PPP2R5A: variants seen among roughly 807,000 people sequenced by gnomAD.
PPP2R5A encodes the protein serine/threonine-protein phosphatase 2A 56 kDa regulatory subunit alpha isoform.
Under a neutral mutation model 64.2 loss-of-function variants are expected in PPP2R5A, and 25 were observed. The ratio of observed to expected loss-of-function variants is 0.39; its 90% confidence interval spans 0.28 to 0.54. The LOEUF (loss-of-function observed/expected upper bound fraction) is 0.54. Ranked by LOEUF, PPP2R5A falls within the 20% of genes least tolerant of loss-of-function variation. The pLI, the probability that PPP2R5A is intolerant of heterozygous loss-of-function variation, is 0.67. For missense variants in PPP2R5A, 425 were observed against 576.3 expected (o/e 0.74, Z 2.69); for synonymous variants, 198 against 201.2 (o/e 0.98, Z 0.13).
chr1:212,358,859 G>T, intron 12 of PPP2R5A, 72 bp downstream of exon 12: 1 of 1,216,172 alleles, frequency 8.2e-7, no homozygotes, highest in African/African-American at 1.5e-5. Context: ...GTTCAGGAAG[G>T]TATCTTCTCT....
Position 212,315,653 on chromosome 1 carries a change from T to G in PPP2R5A, c.182-13482T>G, listed in dbSNP as rs186831540. ...TATATACTCAACTATGTAGATTTTA[T>G]TATTTCTCTGATATTTTAATTTTAT... is the stretch of plus-strand genomic sequence containing the variant. On this transcript the variant is annotated intron_variant, in intron 1 of 12. Coordinates refer to ENST00000261461, the MANE Select transcript of PPP2R5A (RefSeq NM_006243.4). Among the ~76,000 whole-genome samples the G allele has an allele frequency of 1.6e-4, 24 of 152,358 alleles. No individual in the cohort carries two copies. In the East Asian group the frequency reaches 4.6e-3, roughly 29 times the overall value.
intron 1 of PPP2R5A, among the ~76,000 whole-genome samples, chr1:212,287,732 T>C (rs942708127): frequency 1.3e-5 from 2 of 152,230 alleles, no homozygotes; most frequent in African/African-American, 4.8e-5. Context: ...ATGTCATAGC[T>C]ATAAAAGAAT....
chr1:212,325,589 T>C (rs1392748849), intron 1 of PPP2R5A, among the ~76,000 whole-genome samples: 3 of 152,122 alleles, frequency 2.0e-5, no homozygotes, highest in Non-Finnish European at 4.4e-5. Context: ...TAAAACTCTT[T>C]TAGAACGCAG....
chr1:212,321,395 G>T (rs868274115), intron 1 of PPP2R5A, among the ~76,000 whole-genome samples: 9,533 of 151,172 alleles, frequency 0.063, 801 homozygotes, highest in African/African-American at 0.22. Flanking sequence ...CCCAGACGGG[G>T]TGGCTGCCAG....
chr1:212,340,576 T>C (rs569842227), intron 3 of PPP2R5A, among the ~76,000 whole-genome samples: 1 of 152,380 alleles, frequency 6.6e-6, no homozygotes, highest in South Asian at 2.1e-4. Flanking sequence ...AGCAAAATTA[T>C]CTTTTATCTC....
chr1:212,348,653 T>G (rs1440688039), intron 7 of PPP2R5A, among the ~76,000 whole-genome samples, 156 bp downstream of exon 7: 2 of 152,200 alleles, frequency 1.3e-5, no homozygotes, highest in East Asian at 3.8e-4. Context: ...TTTAAAGTAT[T>G]TAGTTGTTAA....
chr1:212,301,629 TTA>T (rs1398957606), intron 1 of PPP2R5A, among the ~76,000 whole-genome samples: 1 of 152,242 alleles, frequency 6.6e-6, no homozygotes, highest in African/African-American at 2.4e-5. Context: ...CATTGTTACT[TTA>T]TAATAGCCTG....
intron 1 of PPP2R5A, among the ~76,000 whole-genome samples, chr1:212,287,114 C>G (rs138497782): frequency 6.6e-6 from 1 of 152,186 alleles, no homozygotes; most frequent in Admixed American, 6.5e-5. Context: ...TGCCTAATGC[C>G]TTGCAGGAGA....
chr1:212,291,223 GCATGCACCAC>G (rs1281953319), intron 1 of PPP2R5A, among the ~76,000 whole-genome samples: 5 of 151,834 alleles, frequency 3.3e-5, no homozygotes, highest in African/African-American at 1.2e-4. Context: ...CGATTCTCTT[GCATGCACCAC>G]CATGCCAAGC....
intron 1 of PPP2R5A, among the ~76,000 whole-genome samples, chr1:212,287,753 C>T (rs1324646093): frequency 6.6e-6 from 1 of 152,074 alleles, no homozygotes; most frequent in Non-Finnish European, 1.5e-5. Context: ...ATCGTCTTTG[C>T]TATTCATAGA....
At chr1:212,335,920 G>C (rs1264725519) in intron 3 of PPP2R5A, among the ~76,000 whole-genome samples, 3 of 152,094 alleles carry the variant, frequency 2.0e-5, no homozygotes, top group African/African-American at 7.2e-5. Context: ...ATTTTTAAAA[G>C]TAAAGAAAGT....
chr1:212,288,653 A>G lies in PPP2R5A; in HGVS notation c.181+2362A>G, dbSNP rs115903038. ...AAAACACCAACATTCAATTGCTTCA[A>G]TTGGAACTTTGGCAGTGTACTTGAT... On this transcript the variant is annotated intron_variant, in intron 1 of 12. Coordinates refer to ENST00000261461, the MANE Select transcript of PPP2R5A (RefSeq NM_006243.4). Among the ~76,000 whole-genome samples, 895 of 152,290 alleles carry G rather than the reference A, an allele frequency of 5.9e-3. 6 individuals are homozygous for G. Among genetic ancestry groups the G allele is most frequent in the African/African-American group, 0.019 (805 of 41,562 alleles).
intron 4 of PPP2R5A, among the ~76,000 whole-genome samples, chr1:212,345,457 T>C (rs925326937): frequency 6.6e-6 from 1 of 152,122 alleles, no homozygotes; most frequent in African/African-American, 2.4e-5. Context: ...GTTTTGACGA[T>C]CAAAAAGCAT....
intron 8 of PPP2R5A, among the ~76,000 whole-genome samples, chr1:212,354,504 C>A (rs939762548): frequency 6.6e-6 from 1 of 151,834 alleles, no homozygotes; most frequent in South Asian, 2.1e-4. Context: ...CAGAGCAAGA[C>A]CTCGTTTCTA....
Position 212,357,803 on chromosome 1 carries a change from C to CA in PPP2R5A, c.1226+534dup, listed in dbSNP as rs767448983. 414 of 117,944 alleles carry CA rather than the reference C, an allele frequency of 3.5e-3. 7 individuals carry two copies. The highest frequency in any genetic ancestry group is 0.013 in the Middle Eastern group (3 of 224). 7.3% of individuals were successfully genotyped at this position (117,944 alleles called of 1,614,324 possible). A position where few individuals can be genotyped will look rare whatever the true frequency, so the allele number is the denominator to read the frequency against. On this transcript the variant is annotated intron_variant, in intron 11 of 12. Coordinates refer to ENST00000261461, the MANE Select transcript of PPP2R5A (RefSeq NM_006243.4). ...GGGCGACAGAGCAAGATTCCGTCTC[C>CA]AAAAAAAAAAAAAAAGAGAGTCTTG...
intron 1 of PPP2R5A, 64 bp downstream of exon 1, chr1:212,286,355 A>G: frequency 1.4e-6 from 2 of 1,383,938 alleles, no homozygotes; most frequent in Non-Finnish European, 1.9e-6. Flanking sequence ...CCTCTGCGCC[A>G]GCAGAGCCAT....
chr1:212,328,123 CTGCTTTTAGT>C (rs1165402488), intron 1 of PPP2R5A, among the ~76,000 whole-genome samples: 4 of 152,182 alleles, frequency 2.6e-5, no homozygotes, highest in African/African-American at 7.2e-5. Flanking sequence ...CCGTTGGTTC[CTGCTTTTAGT>C]TGAGGGGTGC....
intron 1 of PPP2R5A, among the ~76,000 whole-genome samples, chr1:212,320,262 G>A (rs1659245682): frequency 6.6e-6 from 1 of 152,250 alleles, no homozygotes; most frequent in Admixed American, 6.5e-5. Context: ...AGGGTTGGGG[G>A]TAAGGTCACA....
At chr1:212,306,807 G>A (rs1658923735) in intron 1 of PPP2R5A, 1 of 151,764 alleles carries the variant, frequency 6.6e-6, no homozygotes. Context: ...ACCCAGGATG[G>A]AGTGTAGTGG....
Sources: allele counts gnomAD v4.1 joint callset (sites outside exome capture counted in the v4.1 genomes callset), GRCh38; gene constraint gnomAD v4.1.1; transcripts MANE v1.5; gene names NCBI Gene and HGNC (gene_info 2026-07-23, HGNC 2026-07-21).